Variants in GDPD4 observed in about 807,000 individuals in gnomAD.
The protein encoded by GDPD4 is glycerophosphodiester phosphodiesterase domain containing 4.
Under a neutral mutation model 67.8 loss-of-function variants are expected in GDPD4, and 60 were observed. The ratio of observed to expected loss-of-function variants is 0.88; its 90% CI spans 0.72 to 1.10. The LOEUF is 1.10. GDPD4 is among the 50% of genes least tolerant of loss of function. The probability of loss-of-function intolerance (pLI) is 0.00; values close to 1 mark genes in which losing one functional copy is unlikely to be tolerated. For synonymous variants in GDPD4, 212 were observed against 210.9 expected (o/e 1.00, Z -0.04); for missense variants, 623 against 613.9 (o/e 1.01, Z -0.16).
intron 5 of GDPD4, among the ~76,000 whole-genome samples, chr11:77,274,460 T>C (rs763531571): frequency 5.3e-5 from 8 of 152,156 alleles, no homozygotes; most frequent in Non-Finnish European, 1.0e-4. Context: ...TTCTGTGAGT[T>C]CACATGAGAT....
Position 77,252,891 on chromosome 11 carries a change from T to G in GDPD4, c.864+5495A>C, listed in dbSNP as rs111957795. 3.4e-3 allele frequency among the ~76,000 whole-genome samples: 519 copies of G among 152,338 alleles called. 1 individual carries two copies. Among genetic ancestry groups the G allele is most frequent in the African/African-American group, 0.012 (482 of 41,570 alleles). Reference sequence around the variant, plus strand: ...GTCCTTGGTCCACAAATGCTTTTGGTGTTCTCCAATTCTTGTTTTCCCTAC... The same window carrying G: ...GTCCTTGGTCCACAAATGCTTTTGGGGTTCTCCAATTCTTGTTTTCCCTAC... On this transcript the variant is annotated intron_variant, in intron 11 of 16. Coordinates refer to ENST00000315938, the MANE Select transcript of GDPD4 (RefSeq NM_182833.3).
intron 1 of GDPD4, among the ~76,000 whole-genome samples, chr11:77,299,453 TTATA>T (rs1401806568): frequency 6.6e-6 from 1 of 152,210 alleles, no homozygotes; most frequent in African/African-American, 2.4e-5. Context: ...AAATAAAACA[TTATA>T]TAATGTATTT....
At chr11:77,268,232 A>G (rs979436154) in intron 10 of GDPD4, among the ~76,000 whole-genome samples, 13 of 152,100 alleles carry the variant, frequency 8.5e-5, no homozygotes, top group Admixed American at 7.9e-4. Context: ...TGTGAAGACT[A>G]TATCTAGTGT....
At chr11:77,300,300 A>G (rs1242189336) in intron 1 of GDPD4, among the ~76,000 whole-genome samples, 3 of 152,228 alleles carry the variant, frequency 2.0e-5, no homozygotes, top group Admixed American at 6.5e-5. Context: ...CACGTGTGTC[A>G]GGAATAAGAA....
intron 1 of GDPD4, among the ~76,000 whole-genome samples, chr11:77,291,277 C>CA (rs1453092047): frequency 6.6e-6 from 1 of 152,116 alleles, no homozygotes; most frequent in East Asian, 1.9e-4. Context: ...CACAAAAAGA[C>CA]AAATATTGTG....
chr11:77,277,665 G>A (rs1017594786), intron 4 of GDPD4, among the ~76,000 whole-genome samples: 51 of 151,906 alleles, frequency 3.4e-4, no homozygotes, highest in Non-Finnish European at 6.5e-4. Flanking sequence ...CTTGCTAGCG[G>A]TCTATCAATT....
At chr11:77,252,057 T>G (rs1958912172) in intron 11 of GDPD4, among the ~76,000 whole-genome samples, 1 of 91,732 alleles carries the variant, frequency 1.1e-5, no homozygotes, top group African/African-American at 3.3e-5. Flanking sequence ...TTTGTTTGTT[T>G]TTTTTTTGTT....
chr11:77,243,961 TAGAG>T (rs901377041), intron 12 of GDPD4, 113 bp from the exon 13 acceptor site: 16 of 683,466 alleles, frequency 2.3e-5, no homozygotes, highest in African/African-American at 7.2e-5. Flanking sequence ...CTACAGAGAG[TAGAG>T]AGAGAGAGTC....
chr11:77,233,153 T>C lies in GDPD4; in HGVS notation c.1261A>G (p.Ile421Val), dbSNP rs748220170. The C allele has an allele frequency of 6.2e-7, 1 of 1,613,898 alleles. No homozygotes were observed. The highest frequency in any genetic ancestry group is 8.5e-7 in the Non-Finnish European group (1 of 1,179,818). The change falls in exon 14 of 17, where the codon ATC becomes GTC. Residue 421 changes from isoleucine to valine, a missense_variant. By Grantham distance (29) the Ile-to-Val change is conservative. Coordinates refer to ENST00000315938, the MANE Select transcript of GDPD4 (RefSeq NM_182833.3). ...NGLRDYKAAN[I>V]HINVYTVNEP... Reference sequence around the variant, plus strand: ...TTGACGGTGTATACGTTGATATGGATGTTAGCTGCTTTATAATCTCTGGAA... The same window carrying C: ...TTGACGGTGTATACGTTGATATGGACGTTAGCTGCTTTATAATCTCTGGAA...
In GDPD4 at chr11:77,257,013, A is replaced by G. The variant is rs1053309315; in HGVS notation, c.864+1373T>C. ...ACTTTTCCCTATTTTTACATGAAAC[A>G]TGATCAAACGGCCCTCAGGATTAAC... On this transcript the variant is annotated intron_variant, in intron 11 of 16. Transcript: ENST00000315938. Among the ~76,000 whole-genome samples the G allele has an allele frequency of 3.9e-5, 6 of 152,366 alleles. No individual in the cohort carries two copies. The East Asian group carries it at 9.6e-4, about 24-fold the overall frequency.
intron 5 of GDPD4, among the ~76,000 whole-genome samples, chr11:77,275,786 C>G (rs1959436016): frequency 6.6e-6 from 1 of 152,090 alleles, no homozygotes; most frequent in African/African-American, 2.4e-5. Flanking sequence ...TAGGTTATTA[C>G]AGTGAACTGA....
chr11:77,296,272 AAAG>A (rs1937957432), intron 1 of GDPD4, among the ~76,000 whole-genome samples: 2 of 150,216 alleles, frequency 1.3e-5, no homozygotes, highest in South Asian at 4.2e-4. Flanking sequence ...AAAAAAAAGA[AAAG>A]AAATTTCTTG....
Position 77,233,097 on chromosome 11 carries a change from G to A in GDPD4, c.1317C>T (p.Cys439=), listed in dbSNP as rs1223213020. 2 of 1,613,950 alleles carry A rather than the reference G, an allele frequency of 1.2e-6. No homozygotes were observed. Among genetic ancestry groups the A allele is most frequent in the East Asian group, 4.5e-5 (2 of 44,876 alleles). The stretch of plus-strand genomic sequence containing the variant: ...CTGTGGTCACTGAGTTAATCCTGGA[G>A]CACCAGGCCAGTGAGAAAAGCCAAG... ...NEPWLFSLAW[C]SRINSVTTDN... The change falls in exon 14 of 17, where the codon TGC becomes TGT. Residue 439 remains cysteine, a synonymous_variant. Transcript: ENST00000315938.
intron 5 of GDPD4, among the ~76,000 whole-genome samples, chr11:77,272,388 T>G (rs771099228): frequency 1.3e-5 from 2 of 152,188 alleles, no homozygotes; most frequent in Admixed American, 1.3e-4. Flanking sequence ...AAAAGTTGAA[T>G]TGCCAGAGTC....
intron 10 of GDPD4, among the ~76,000 whole-genome samples, chr11:77,262,931 G>A (rs1959148528): frequency 6.9e-6 from 1 of 145,546 alleles, no homozygotes; most frequent in South Asian, 2.2e-4. Flanking sequence ...TAAGCATCCA[G>A]AAGATTTCTT....
intron 10 of GDPD4, among the ~76,000 whole-genome samples, chr11:77,259,367 G>A (rs927677164): frequency 3.3e-5 from 5 of 152,056 alleles, no homozygotes; most frequent in African/African-American, 1.2e-4. Flanking sequence ...ATTTGCTTTG[G>A]AGAATCTCTG....
chr11:77,275,723 A>G (rs73499558), intron 5 of GDPD4, among the ~76,000 whole-genome samples: 11,374 of 152,222 alleles, frequency 0.075, 1,484 homozygotes, highest in African/African-American at 0.26. Flanking sequence ...TCAGGCTTGG[A>G]TAAGGCCCAA....
chr11:77,235,009 G>GTTTTTTTCTTTTTTTTTTTTT (rs1958525203), intron 13 of GDPD4, among the ~76,000 whole-genome samples: 1 of 52,254 alleles, frequency 1.9e-5, no homozygotes, highest in Non-Finnish European at 3.7e-5. Context: ...GTCAATATCT[G>GTTTTTTTCTTTTTTTTTTTTT]TTTTTTTTTT....
intron 16 of GDPD4, among the ~76,000 whole-genome samples, chr11:77,218,106 T>C (rs1958159107): frequency 6.6e-6 from 1 of 151,950 alleles, no homozygotes. Context: ...ATTTTTTTTT[T>C]TGTCAGCTTT....
Sources: allele counts gnomAD v4.1 joint callset (sites outside exome capture counted in the v4.1 genomes callset), GRCh38; gene constraint gnomAD v4.1.1; transcripts MANE v1.5; gene names NCBI Gene and HGNC (gene_info 2026-07-23, HGNC 2026-07-21).